The following HIPK4 variants were observed in gnomAD, a reference collection of about 807,000 sequenced individuals.
The protein encoded by HIPK4 is homeodomain-interacting protein kinase 4.
Under a neutral mutation model 44.8 loss-of-function variants are expected in HIPK4, and 26 were observed. The observed-to-expected ratio is 0.58, with a 90% CI of 0.43 to 0.80. The LOEUF is 0.80. Among genes scored for constraint, HIPK4 ranks in the 30% least tolerant of loss-of-function variants. The pLI is 0.00. For missense variants in HIPK4, 729 were observed against 862.6 expected (o/e 0.85, Z 1.94); for synonymous variants, 340 against 355.5 (o/e 0.96, Z 0.49).
rs758140576 is a variant in HIPK4, at chr19:40,380,494, G to A, written c.1497C>T (p.Ser499=). 9.9e-6 allele frequency: 16 copies of A among 1,612,924 alleles called. No individual in the cohort carries two copies. The African/African-American group carries it at 1.5e-4, about 15-fold the overall frequency. The change falls in exon 3 of 4, where the codon TCC becomes TCT. Residue 499 remains serine, a synonymous_variant. Coordinates refer to ENST00000291823, the MANE Select transcript of HIPK4 (RefSeq NM_144685.5). The surrounding 1 kb of genome is among the most constrained non-coding windows in gnomAD (Gnocchi z 4.2). ...TCAGCCGAATGAGGTTGCTGAAGTT[G>A]GAGTCGGACTTGGAACCCGCAGGTG... ...RKPPAGSKSD[S]NFSNLIRLSQ...
In HIPK4 at chr19:40,380,306, G is replaced by C. The variant is rs1245941518; in HGVS notation, c.1668+17C>G. 6.2e-7 allele frequency: 1 copy of C among 1,609,784 alleles called. No homozygotes were observed. The highest frequency in any genetic ancestry group is 8.5e-7 in the Non-Finnish European group (1 of 1,176,758). On this transcript the variant is annotated intron_variant, in intron 3 of 3. Coordinates refer to ENST00000291823, the MANE Select transcript of HIPK4 (RefSeq NM_144685.5). The surrounding 1 kb of genome is among the most constrained non-coding windows in gnomAD (Gnocchi z 4.2). ...CCTCCTCCCACCCTAATCGTATCCT[G>C]AACGCACCCGGCTCACCTCAGCTTC... is the stretch of plus-strand genomic sequence containing the variant.
intron 2 of HIPK4, among the ~76,000 whole-genome samples, chr19:40,382,798 A>G (rs1193693942): frequency 6.6e-6 from 1 of 151,062 alleles, no homozygotes; most frequent in East Asian, 2.0e-4. Flanking sequence ...CTGTAATCTC[A>G]CTGCTTTGGG....
chr19:40,381,783 C>CT (rs1568694444), intron 2 of HIPK4, among the ~76,000 whole-genome samples: 1 of 113,288 alleles, frequency 8.8e-6, no homozygotes, highest in Non-Finnish European at 1.9e-5. Context: ...TCACTCAGAT[C>CT]CTTTTTTTTT....
chr19:40,379,647 G>C lies in HIPK4; in HGVS notation c.1791C>G (p.His597Gln). The change falls in exon 4 of 4, where the codon CAC becomes CAG. Residue 597 changes from histidine (H) to glutamine (Q), a missense_variant. His to Gln is a conservative substitution (Grantham distance 24). This residue lies in a region of HIPK4 where 533 missense variants were observed against 567.5 expected (regional missense o/e 0.94). Transcript: ENST00000291823. The part of the protein sequence containing the change: ...RAQGLPPRRS[H>Q]QHGPPRGATS... ...TGGCCCCCCGGGGTGGACCATGCTG[G>C]TGGGAGCGGCGGGGTGGGAGCCCCT... 6.4e-7 allele frequency: 1 copy of C among 1,557,258 alleles called. No homozygotes were observed. The highest frequency in any genetic ancestry group is 8.7e-7 in the Non-Finnish European group (1 of 1,153,284).
rs2079319330 is a variant in HIPK4 at position 40,379,638 on chromosome 19, A to C, written c.1800T>G (p.Gly600=). ...GLPPRRSHQH[G]PPRGATSFLQ... is the part of the protein sequence containing the mutation. ...GGAAGCTGGTGGCCCCCCGGGGTGG[A>C]CCATGCTGGTGGGAGCGGCGGGGTG... Residue 600 remains glycine (G), a synonymous_variant, in exon 4 of 4, where the codon GGT becomes GGG. Transcript: ENST00000291823. 1 of 1,559,132 alleles carries C rather than the reference A, an allele frequency of 6.4e-7. No homozygotes were observed. Among genetic ancestry groups the C allele is most frequent in the Non-Finnish European group, 8.7e-7 (1 of 1,154,250 alleles).
In HIPK4 at chr19:40,389,965, GCCTCC is replaced by G; in HGVS notation, c.-68_-64del. ...CTGTACCACTGGCTCTGCCGCCCAGGCCTCCCGCCTGGCTGCTGACACAGCAGGCC... is the reference window on the plus strand; with the variant it reads ...CTGTACCACTGGCTCTGCCGCCCAGGCGCCTGGCTGCTGACACAGCAGGCC... On this transcript the variant is annotated 5_prime_UTR_variant, in exon 1 of 4. Transcript: ENST00000291823. This position sits in a 1 kb window ranked among gnomAD's most constrained non-coding sequence, Gnocchi z 4.6. 3 of 1,319,256 alleles carry G rather than the reference GCCTCC, an allele frequency of 2.3e-6. No individual in the cohort carries two copies. Among genetic ancestry groups the G allele is most frequent in the Non-Finnish European group, 3.1e-6 (3 of 955,336 alleles). The allele number at this position is 1,319,256 out of a possible 1,614,324, so 81.7% of individuals were successfully genotyped here. A position where few individuals can be genotyped will look rare whatever the true frequency, so the allele number is the denominator to read the frequency against.
intron 3 of HIPK4, 61 bp from the exon 4 acceptor site, chr19:40,379,830 C>T (rs2079321935): frequency 1.3e-6 from 2 of 1,505,830 alleles, no homozygotes; most frequent in Non-Finnish European, 1.8e-6. Flanking sequence ...GTCTGCTGAG[C>T]CTCTGTCACC....
chr19:40,383,081 CTTTT>C (rs71171564), intron 2 of HIPK4, among the ~76,000 whole-genome samples: 3 of 78,616 alleles, frequency 3.8e-5, no homozygotes, highest in Non-Finnish European at 7.0e-5. Flanking sequence ...TCTTTTCTTT[CTTTT>C]TTTTTTTTTT....
In HIPK4 at chr19:40,379,468, ATCTT is replaced by A; in HGVS notation, c.*115_*118del. ...GGGGAATGAGAATTTCTGGATAACTATCTTTCTGTAAGAATAATTTGTGGGTTCA... is the reference window on the plus strand; with the variant it reads ...GGGGAATGAGAATTTCTGGATAACTATCTGTAAGAATAATTTGTGGGTTCA... On this transcript the variant is annotated 3_prime_UTR_variant, in exon 4 of 4. Transcript: ENST00000291823. 6.7e-6 allele frequency: 6 copies of A among 898,460 alleles called. No homozygotes were observed. In the South Asian group the frequency reaches 1.1e-4, roughly 17 times the overall value. 55.7% of individuals were successfully genotyped at this position (898,460 alleles called of 1,614,324 possible).
At position 40,379,717 on chromosome 19, in the gene HIPK4, C is replaced by T; in HGVS notation, c.1721G>A (p.Ser574Asn). ...GCTCTCCAGGGTGCAGTCTGGCTCA[C>T]TCAGCCATTCTCCAGGACAGCTGCT... ...DPSSCPGEWL[S>N]EPDCTLESVR... Residue 574 changes from serine (S) to asparagine (N), a missense_variant, in exon 4 of 4, where the codon AGT becomes AAT. Physicochemically the swap from Ser to Asn is conservative, Grantham distance 46. Transcript: ENST00000291823. The T allele has an allele frequency of 6.2e-7, 1 of 1,611,024 alleles. No individual in the cohort carries two copies. Among genetic ancestry groups the T allele is most frequent in the Non-Finnish European group, 8.5e-7 (1 of 1,179,204 alleles).
chr19:40,381,730 G>C (rs1298022412), intron 2 of HIPK4, among the ~76,000 whole-genome samples: 1 of 147,604 alleles, frequency 6.8e-6, no homozygotes, highest in Non-Finnish European at 1.5e-5. Context: ...CACAGAGGTA[G>C]CAGACTGGCT....
chr19:40,379,443 G>A lies in HIPK4; in HGVS notation c.*144C>T, dbSNP rs143173774. ...TGCAGGCACGCACCGCACCGCAGAC[G>A]GGGAATGAGAATTTCTGGATAACTA... On this transcript the variant is annotated 3_prime_UTR_variant, in exon 4 of 4. Coordinates refer to ENST00000291823, the MANE Select transcript of HIPK4 (RefSeq NM_144685.5). 188 of 748,672 alleles carry A rather than the reference G, an allele frequency of 2.5e-4. 1 individual carries two copies. The highest frequency in any genetic ancestry group is 2.2e-3 in the African/African-American group (122 of 55,244). The allele number at this position is 748,672 out of a possible 1,614,324, so 46.4% of individuals were successfully genotyped here.
At position 40,381,173 on chromosome 19, in the gene HIPK4, C is replaced by G. The variant is rs545248598; in HGVS notation, c.823-5G>C. 5 of 1,588,270 alleles carry G rather than the reference C, an allele frequency of 3.1e-6. No individual in the cohort carries two copies. The highest frequency in any genetic ancestry group is 4.3e-6 in the Non-Finnish European group (5 of 1,171,480). The stretch of plus-strand genomic sequence containing the variant: ...GCGGCGCTCCAATGGGCGCACCTGG[C>G]GGGGCATGGAGAAGGGGGCAGGGTT... On this transcript the variant is annotated splice_region_variant and splice_polypyrimidine_tract_variant and intron_variant, in intron 2 of 3. Transcript: ENST00000291823.
In HIPK4 at chr19:40,383,764, C is replaced by A; in HGVS notation, c.822+19G>T. 6.3e-7 allele frequency: 1 copy of A among 1,583,608 alleles called. No individual in the cohort carries two copies. The highest frequency in any genetic ancestry group is 1.1e-5 in the South Asian group (1 of 88,144). On this transcript the variant is annotated intron_variant, in intron 2 of 3. Transcript: ENST00000291823. Reference sequence around the variant, plus strand: ...TAACAGCCCCCACACTGACTGCCCTCACCCAACTTTTCCCTTACCTTCGTC... The same window carrying A: ...TAACAGCCCCCACACTGACTGCCCTAACCCAACTTTTCCCTTACCTTCGTC...
Position 40,380,334 on chromosome 19 carries a change from T to G in HIPK4, c.1657A>C (p.Met553Leu), listed in dbSNP as rs201954765. Reference protein sequence around the residue: ...EDGPNIDNMTMEAERPDPELF... With the variant: ...EDGPNIDNMTLEAERPDPELF... ...CGCACCCGGCTCACCTCAGCTTCCA[T>G]GGTCATGTTGTCAATGTTGGGCCCA... The change falls in exon 3 of 4, where the codon ATG becomes CTG. Residue 553 changes from methionine (M) to leucine (L), a missense_variant. By Grantham distance (15) the Met-to-Leu change is conservative (BLOSUM62 2). Coordinates refer to ENST00000291823, the MANE Select transcript of HIPK4 (RefSeq NM_144685.5). This position sits in a 1 kb window ranked among gnomAD's most constrained non-coding sequence, Gnocchi z 4.2. The G allele has an allele frequency of 1.2e-6, 2 of 1,612,694 alleles. No homozygotes were observed. Among genetic ancestry groups the G allele is most frequent in the South Asian group, 2.2e-5 (2 of 91,072 alleles).
At chr19:40,385,580 T>C (rs747194816) in intron 1 of HIPK4, among the ~76,000 whole-genome samples, 95 of 151,748 alleles carry the variant, frequency 6.3e-4, no homozygotes, top group Admixed American at 2.5e-3. Context: ...AATGATCACC[T>C]TCTCAGTGAG....
Position 40,381,149 on chromosome 19 carries a change from C to T in HIPK4, c.842G>A (p.Arg281His), listed in dbSNP as rs776906530. 2.8e-5 allele frequency: 45 copies of T among 1,599,094 alleles called. No homozygotes were observed. Among genetic ancestry groups the T allele is most frequent in the Non-Finnish European group, 3.1e-5 (36 of 1,177,086 alleles). The change falls in exon 3 of 4, where the codon CGC becomes CAC. Residue 281 changes from arginine (R) to histidine (H), a missense_variant. Arg to His is a conservative substitution (Grantham distance 29). This residue lies in a region of HIPK4 where 533 missense variants were observed against 567.5 expected (regional missense o/e 0.94). Transcript: ENST00000291823. ...GTCCAACGACTTGAGCATATACTTG[C>T]GGCGCTCCAATGGGCGCACCTGGCG... Reference protein sequence around the residue: ...AETKVRPLERRKYMLKSLDQI... With the variant: ...AETKVRPLERHKYMLKSLDQI...
rs1167912542 is a variant in HIPK4 at position 40,380,909 on chromosome 19, TAGTG to T, written c.1078_1081del (p.His360ThrfsTer72). 3 of 1,603,994 alleles carry T rather than the reference TAGTG, an allele frequency of 1.9e-6. No homozygotes were observed. Among genetic ancestry groups the T allele is most frequent in the East Asian group, 2.2e-5 (1 of 44,590 alleles). ...GTAGCTGCGCAGCGAGAGCTGGTAGTAGTGGGTGGTCTCGTGGGCACTGCGCAGC... is the reference window on the plus strand; with the variant it reads ...GTAGCTGCGCAGCGAGAGCTGGTAGTGGTGGTCTCGTGGGCACTGCGCAGC... On this transcript the variant is annotated frameshift_variant, in exon 3 of 4. Transcript: ENST00000291823. LOFTEE classifies it high-confidence loss of function. This position sits in a 1 kb window ranked among gnomAD's most constrained non-coding sequence, Gnocchi z 4.2.
intron 2 of HIPK4, among the ~76,000 whole-genome samples, chr19:40,382,853 C>T (rs1255960029): frequency 6.6e-6 from 1 of 151,398 alleles, no homozygotes; most frequent in African/African-American, 2.4e-5. Flanking sequence ...TGAGACCAGC[C>T]TGGCCAACAT....
Sources: allele counts gnomAD v4.1 joint callset (sites outside exome capture counted in the v4.1 genomes callset), GRCh38; gene constraint gnomAD v4.1.1; regional missense constraint gnomAD v4.1.1; non-coding constraint Gnocchi (gnomAD v3.1); transcripts MANE v1.5; gene names NCBI Gene and HGNC (gene_info 2026-07-23, HGNC 2026-07-21).